The following LCA5L variants were observed in gnomAD, a reference collection of about 807,000 sequenced individuals.
The protein encoded by LCA5L is lebercilin-like protein.
A neutral mutation model predicts 45.4 loss-of-function variants in LCA5L; 35 were observed. That is an observed-to-expected ratio of 0.77 (90% CI 0.59 to 1.02). The LOEUF (loss-of-function observed/expected upper bound fraction) is 1.02, where lower values mean the gene tolerates loss of function less well. LCA5L is among the 50% of genes least tolerant of loss of function. LCA5L has a pLI of 0.00. For missense variants in LCA5L, 668 were observed against 761.6 expected, an observed-to-expected ratio of 0.88 and a Z score of 1.45; for synonymous variants, 233 against 264.7, an observed-to-expected ratio of 0.88 and a Z score of 1.16.
chr21:39,414,742 C>CTCTGTGTGTGTGTGTGTGTGTGTG (rs1341489035), intron 7 of LCA5L, among the ~76,000 whole-genome samples: 2 of 99,178 alleles, frequency 2.0e-5, no homozygotes, highest in African/African-American at 8.8e-5. Context: ...CTCTCTCTCT[C>CTCTGTGTGTGTGTGTGTGTGTGTG]TGTGTGTGTG....
chr21:39,414,713 C>CCT (rs147915021), intron 7 of LCA5L, among the ~76,000 whole-genome samples: 5,573 of 119,756 alleles, frequency 0.047, 212 homozygotes, highest in Non-Finnish European at 0.064. Flanking sequence ...TGGTTCTCTC[C>CCT]CTCTCTCTCT....
intron 7 of LCA5L, 90 bp downstream of exon 7, chr21:39,420,616 A>C: frequency 8.4e-7 from 1 of 1,189,450 alleles, no homozygotes; most frequent in Admixed American, 2.1e-5. Context: ...ATGTAAAATA[A>C]AAAATCACTT....
chr21:39,421,942 G>A (rs961358356), intron 6 of LCA5L: 3 of 152,164 alleles, frequency 2.0e-5, no homozygotes, highest in African/African-American at 7.2e-5. Flanking sequence ...GAACAACTTA[G>A]ATACATACAT....
intron 5 of LCA5L, among the ~76,000 whole-genome samples, chr21:39,424,386 C>T (rs377048797): frequency 6.0e-4 from 92 of 152,220 alleles, no homozygotes; most frequent in African/African-American, 1.9e-3. Context: ...GAAGCCTTGG[C>T]GGGAGGATCC....
At chr21:39,441,832 C>A (rs961837426) in intron 2 of LCA5L, among the ~76,000 whole-genome samples, 6 of 152,158 alleles carry the variant, frequency 3.9e-5, no homozygotes, top group Non-Finnish European at 7.4e-5. Context: ...ACTAGATTTT[C>A]ATTCTATTTT....
In LCA5L at chr21:39,433,655, T is replaced by C. The variant is rs116399675; in HGVS notation, c.-92+1765A>G. On this transcript the variant is annotated intron_variant, in intron 3 of 10. Coordinates refer to ENST00000288350, the MANE Select transcript of LCA5L (RefSeq NM_152505.4). ...TCCCACTCAATTGCCTTTGCATCTT[T>C]GTAAAAACCCAGATATTCATATGTT... Among the ~76,000 whole-genome samples the C allele has an allele frequency of 7.0e-3, 1,072 of 152,316 alleles. 12 individuals carry two copies. The highest frequency in any genetic ancestry group is 0.025 in the African/African-American group (1,033 of 41,576).
Position 39,428,375 on chromosome 21 carries a change from C to G in LCA5L, c.119G>C (p.Arg40Pro). The change falls in exon 5 of 11, where the codon CGG becomes CCG. Residue 40 changes from arginine to proline, a missense_variant. Transcript: ENST00000288350. Reference sequence around the variant, plus strand: ...ACTCTTATTGGAAGCATTACTGTTCCGTGAAAAATCGCCTGTGCCTGGGCT... The same window carrying G: ...ACTCTTATTGGAAGCATTACTGTTCGGTGAAAAATCGCCTGTGCCTGGGCT... ...KRSPGTGDFSRNSNASNKSVD... is the reference protein window; with the variant it reads ...KRSPGTGDFSPNSNASNKSVD... 1 of 1,613,330 alleles carries G rather than the reference C, an allele frequency of 6.2e-7. No individual in the cohort carries two copies. Among genetic ancestry groups the G allele is most frequent in the Non-Finnish European group, 8.5e-7 (1 of 1,179,824 alleles).
At chr21:39,425,680 C>T (rs7276981) in intron 5 of LCA5L, among the ~76,000 whole-genome samples, 36,221 of 151,948 alleles carry the variant, frequency 0.24, 5,019 homozygotes, top group African/African-American at 0.38. Context: ...TGGTTTAAAA[C>T]AGGGGTGGGC....
Position 39,406,273 on chromosome 21 carries a change from C to G in LCA5L, c.1622G>C (p.Gly541Ala). The G allele has an allele frequency of 1.2e-6, 2 of 1,614,224 alleles. No individual in the cohort carries two copies. The highest frequency in any genetic ancestry group is 1.7e-6 in the Non-Finnish European group (2 of 1,180,044). ...ENLHHGLPASGGPANAGNMRY... is the reference protein window; with the variant it reads ...ENLHHGLPASAGPANAGNMRY... ...CATGTTGCCGGCATTGGCTGGCCCCCCTGAAGCAGGAAGCCCATGATGCAG... is the reference window on the plus strand; with the variant it reads ...CATGTTGCCGGCATTGGCTGGCCCCGCTGAAGCAGGAAGCCCATGATGCAG... Residue 541 changes from glycine to alanine, a missense_variant, in exon 11 of 11, where the codon GGG becomes GCG. Physicochemically the swap from Gly to Ala is moderately conservative, Grantham distance 60 (BLOSUM62 0). Transcript: ENST00000288350.
chr21:39,436,804 C>A (rs546914083), intron 2 of LCA5L, among the ~76,000 whole-genome samples: 12 of 152,276 alleles, frequency 7.9e-5, no homozygotes, highest in Admixed American at 2.0e-4. Context: ...TATTCTTAAC[C>A]AGTCCTGCCT....
chr21:39,406,217 T>G lies in LCA5L; in HGVS notation c.1678A>C (p.Ser560Arg). Residue 560 changes from serine to arginine, a missense_variant, in exon 11 of 11, where the codon AGT becomes CGT. Coordinates refer to ENST00000288350, the MANE Select transcript of LCA5L (RefSeq NM_152505.4). Reference protein sequence around the residue: ...RYSHSTGKHLSNREEMELEHS... With the variant: ...RYSHSTGKHLRNREEMELEHS... ...TCTAGCTCCATTTCCTCTCTGTTACTGAGATGCTTGCCTGTACTATGACTG... is the reference window on the plus strand; with the variant it reads ...TCTAGCTCCATTTCCTCTCTGTTACGGAGATGCTTGCCTGTACTATGACTG... The G allele has an allele frequency of 1.9e-6, 3 of 1,613,118 alleles. No individual in the cohort carries two copies. The highest frequency in any genetic ancestry group is 1.7e-6 in the Non-Finnish European group (2 of 1,179,010).
At chr21:39,419,539 A>AAAAG (rs1555897369) in intron 7 of LCA5L, among the ~76,000 whole-genome samples, 1 of 151,570 alleles carries the variant, frequency 6.6e-6, no homozygotes, top group African/African-American at 2.4e-5. Context: ...AAAAAAAGAA[A>AAAAG]AAAGAAAAAA....
rs752919558 is a variant in LCA5L, at chr21:39,420,854, T to C, written c.838-11A>G. Reference sequence around the variant, plus strand: ...TTGTTTTTCCAAGCTCTGAAAACAGTATATATTATAACTATTCTGCAACCA... The same window carrying C: ...TTGTTTTTCCAAGCTCTGAAAACAGCATATATTATAACTATTCTGCAACCA... On this transcript the variant is annotated splice_polypyrimidine_tract_variant and intron_variant, in intron 6 of 10. Coordinates refer to ENST00000288350, the MANE Select transcript of LCA5L (RefSeq NM_152505.4). 6.2e-6 allele frequency: 10 copies of C among 1,602,680 alleles called. No homozygotes were observed. Among genetic ancestry groups the C allele is most frequent in the Middle Eastern group, 3.3e-4 (2 of 6,012 alleles).
chr21:39,421,382 C>A (rs1463086174), intron 6 of LCA5L, among the ~76,000 whole-genome samples: 1 of 152,156 alleles, frequency 6.6e-6, no homozygotes, highest in Non-Finnish European at 1.5e-5. Context: ...GGCCACTGTG[C>A]CCTGCCCGAT....
chr21:39,422,927 C>A, intron 6 of LCA5L, 49 bp downstream of exon 6: 1 of 1,553,306 alleles, frequency 6.4e-7, no homozygotes, highest in South Asian at 1.2e-5. Flanking sequence ...CACACCCTCT[C>A]TCTATTAACT....
rs184696227 is a variant in LCA5L, at chr21:39,410,091, T to G, written c.1170A>C (p.Lys390Asn). The part of the protein sequence containing the change: ...SDVPPLTTKG[K>N]KATGNIDHKE... ...TATGATCGATGTTTCCTGTTGCCTT[T>G]TTACCCTGTAATTTAGAAAAGCAGC... The change falls in exon 10 of 11, where the codon AAA (lysine) becomes AAC (asparagine). Residue 390 changes from lysine (K) to asparagine (N), a missense_variant. Physicochemically the swap from Lys to Asn is moderately conservative, Grantham distance 94. Coordinates refer to ENST00000288350, the MANE Select transcript of LCA5L (RefSeq NM_152505.4). 2.6e-4 allele frequency: 420 copies of G among 1,601,214 alleles called. 2 individuals are homozygous for G. Among genetic ancestry groups the G allele is most frequent in the Non-Finnish European group, 6.8e-5 (80 of 1,169,370 alleles).
intron 3 of LCA5L, among the ~76,000 whole-genome samples, chr21:39,433,659 A>G (rs997931872): frequency 3.3e-5 from 5 of 152,118 alleles, no homozygotes; most frequent in African/African-American, 4.8e-5. Context: ...CATCTTTGTA[A>G]AAACCCAGAT....
rs184255578 is a variant in LCA5L at position 39,419,353 on chromosome 21, C to T, written c.975+1353G>A. Among the ~76,000 whole-genome samples, 219 of 151,786 alleles carry T rather than the reference C, an allele frequency of 1.4e-3. 1 individual carries two copies. Among genetic ancestry groups the T allele is most frequent in the African/African-American group, 5.1e-3 (210 of 41,396 alleles). On this transcript the variant is annotated intron_variant, in intron 7 of 10. Coordinates refer to ENST00000288350, the MANE Select transcript of LCA5L (RefSeq NM_152505.4). Reference sequence around the variant, plus strand: ...CAGCCTGGGCAACACAGCGAGACCCCGTCTCTACAAAAATTTTAAAAATTA... The same window carrying T: ...CAGCCTGGGCAACACAGCGAGACCCTGTCTCTACAAAAATTTTAAAAATTA...
rs1196476939 is a variant in LCA5L, at chr21:39,410,251, A to G, written c.1164+13T>C. 6.5e-7 allele frequency: 1 copy of G among 1,550,178 alleles called. No homozygotes were observed. The highest frequency in any genetic ancestry group is 8.9e-7 in the Non-Finnish European group (1 of 1,127,650). ...GTTTAATCAGACACTGCAAGATTCC[A>G]AATTTGCTGTACCTTAGTTGTCAAA... On this transcript the variant is annotated intron_variant, in intron 9 of 10. Transcript: ENST00000288350.
Sources: gnomAD v4.1 joint callset for allele counts (sites outside exome capture counted in the v4.1 genomes callset) on GRCh38, gnomAD v4.1.1 for gene constraint, MANE v1.5 for transcripts, NCBI Gene and HGNC (gene_info 2026-07-23, HGNC 2026-07-21) for gene names.